The following SNX25 variants were observed in gnomAD, a reference collection of about 807,000 sequenced individuals.
SNX25 encodes sorting nexin 25.
A neutral mutation model predicts 113.7 loss-of-function variants in SNX25; 62 were observed. The observed-to-expected ratio is 0.55, with a 90% CI of 0.44 to 0.67. The LOEUF is 0.67. Among genes scored for constraint, SNX25 ranks in the 30% least tolerant of loss-of-function variants. The pLI is 0.00. For synonymous variants in SNX25, 421 were observed against 436.2 expected, an observed-to-expected ratio of 0.97 and a Z score of 0.43; for missense variants, 1,014 against 1,161.0, an observed-to-expected ratio of 0.87 and a Z score of 1.84.
At chr4:185,288,685 T>G (rs914149477) in intron 6 of SNX25, among the ~76,000 whole-genome samples, 12 of 152,178 alleles carry the variant, frequency 7.9e-5, no homozygotes, top group Non-Finnish European at 1.5e-4. Flanking sequence ...GAAGTAAGAT[T>G]CTTTCCCAGG....
chr4:185,373,154 G>T (rs1376933884), downstream of SNX25: 2 of 1,343,234 alleles, frequency 1.5e-6, no homozygotes, highest in Admixed American at 1.9e-5. Context: ...AGACAGAAAA[G>T]AACTCTGTGT....
At position 185,332,594 on chromosome 4, in the gene SNX25, G is replaced by A. The variant is rs754130473; in HGVS notation, c.1750-1G>A. 6.2e-7 allele frequency: 1 copy of A among 1,609,326 alleles called. No individual in the cohort carries two copies. Among genetic ancestry groups the A allele is most frequent in the Non-Finnish European group, 8.5e-7 (1 of 1,177,542 alleles). On this transcript the variant is annotated splice_acceptor_variant, in intron 9 of 18. Coordinates refer to ENST00000652585, the MANE Select transcript of SNX25 (RefSeq NM_001378034.2). LOFTEE classifies it high-confidence loss of function. ...ATGGTGGTATGTGACTCTCCCCCTA[G>A]GGCCCAAGAGATGAGGCTGGTGAGG...
intron 2 of SNX25, among the ~76,000 whole-genome samples, chr4:185,247,674 AT>A (rs553103530): frequency 8.0e-5 from 12 of 150,716 alleles, no homozygotes; most frequent in Admixed American, 5.3e-4. Context: ...GGTTTTAGGA[AT>A]TTTTTTTTTC....
chr4:185,282,771 C>CAT (rs1750799101), intron 5 of SNX25, among the ~76,000 whole-genome samples: 1 of 152,158 alleles, frequency 6.6e-6, no homozygotes, highest in Admixed American at 6.5e-5. Context: ...TTTTGCAAAA[C>CAT]ATATACCAAC....
At chr4:185,205,690 G>A (rs1225538193), upstream of SNX25, among the ~76,000 whole-genome samples, 1 of 152,154 alleles carries the variant, frequency 6.6e-6, no homozygotes, top group African/African-American at 2.4e-5. Context: ...TTAGCCAGGT[G>A]TGGTGGTGCA....
Position 185,209,850 on chromosome 4 carries a change from T to C in SNX25, c.24T>C (p.Ser8=). The C allele has an allele frequency of 2.0e-6, 2 of 982,902 alleles. No individual in the cohort carries two copies. Among genetic ancestry groups the C allele is most frequent in the Non-Finnish European group, 2.4e-6 (2 of 829,072 alleles). The allele number at this position is 982,902 out of a possible 1,614,324, so 60.9% of individuals were successfully genotyped here. A position where few individuals can be genotyped will look rare whatever the true frequency, so the allele number is the denominator to read the frequency against. Residue 8 remains serine (S), a synonymous_variant, in exon 1 of 19, where the codon AGT becomes AGC. Coordinates refer to ENST00000652585, the MANE Select transcript of SNX25 (RefSeq NM_001378034.2). This position sits in a 1 kb window ranked among gnomAD's most constrained non-coding sequence, Gnocchi z 5.2. The part of the protein sequence containing the change: MHPDATD[S]GGAGPSPARA... ...GCATGCACCCCGATGCGACCGACAG[T>C]GGCGGCGCCGGCCCCAGCCCCGCGC...
chr4:185,277,240 G>T (rs1749839464), intron 5 of SNX25, among the ~76,000 whole-genome samples: 1 of 152,144 alleles, frequency 6.6e-6, no homozygotes, highest in Admixed American at 6.5e-5. Flanking sequence ...GGCCAGGCTG[G>T]TCTGGAAGTC....
At chr4:185,208,783 C>T (rs1047541549), upstream of SNX25, among the ~76,000 whole-genome samples, 5 of 152,106 alleles carry the variant, frequency 3.3e-5, no homozygotes, top group Non-Finnish European at 7.4e-5. Flanking sequence ...CCAATTGATA[C>T]TAAAAGCAAA....
At chr4:185,239,495 A>G (rs1743294320) in intron 1 of SNX25, among the ~76,000 whole-genome samples, 1 of 152,206 alleles carries the variant, frequency 6.6e-6, no homozygotes, top group Admixed American at 6.5e-5. Context: ...AAGAAAAAAA[A>G]TAAAAGCTTT....
At chr4:185,300,687 A>G (rs1753532770) in intron 6 of SNX25, among the ~76,000 whole-genome samples, 1 of 150,730 alleles carries the variant, frequency 6.6e-6, no homozygotes, top group Admixed American at 6.7e-5. Context: ...ATGTCCTGCT[A>G]TGGTTTGAAT....
chr4:185,291,478 T>C (rs1752161100), intron 6 of SNX25, among the ~76,000 whole-genome samples: 2 of 152,228 alleles, frequency 1.3e-5, no homozygotes, highest in African/African-American at 4.8e-5. Context: ...GGTTCTTCTG[T>C]CTCAATTCCT....
At chr4:185,349,412 C>T (rs972152798) in intron 13 of SNX25, among the ~76,000 whole-genome samples, 11 of 152,140 alleles carry the variant, frequency 7.2e-5, no homozygotes, top group African/African-American at 2.7e-4. Flanking sequence ...GATTTCATTT[C>T]CTTTGGATGT....
rs572480487 is a variant in SNX25, at chr4:185,210,435, GCGGGCTC to G, written c.429+197_429+203del. 0.025 allele frequency among the ~76,000 whole-genome samples: 3,421 copies of G among 137,906 alleles called. 76 individuals carry two copies. Among genetic ancestry groups the G allele is most frequent in the South Asian group, 0.13 (536 of 4,284 alleles). 90.5% of individuals were successfully genotyped at this position (137,906 alleles called of 152,430 possible). A position where few individuals can be genotyped will look rare whatever the true frequency, so the allele number is the denominator to read the frequency against. On this transcript the variant is annotated intron_variant, in intron 1 of 18. Coordinates refer to ENST00000652585, the MANE Select transcript of SNX25 (RefSeq NM_001378034.2). This position sits in a 1 kb window ranked among gnomAD's most constrained non-coding sequence, Gnocchi z 4.4. ...GAGCGTTCCCCGGCGCCCGCGCGCG[GCGGGCTC>G]CGGGCTCCGGGCTCCGCGCTCCGCG...
chr4:185,290,690 G>A (rs916830305), intron 6 of SNX25, among the ~76,000 whole-genome samples: 4 of 148,906 alleles, frequency 2.7e-5, no homozygotes, highest in African/African-American at 1.0e-4. Context: ...TCTTAATACG[G>A]TGTATTCTGG....
chr4:185,320,017 C>T (rs567080032), intron 7 of SNX25, among the ~76,000 whole-genome samples: 2 of 152,188 alleles, frequency 1.3e-5, no homozygotes, highest in South Asian at 2.1e-4. Context: ...AACGCTTTTA[C>T]ACTGTTGGTG....
chr4:185,375,363 G>A, the SNX25 span, among the ~76,000 whole-genome samples: 1 of 141,370 alleles, frequency 7.1e-6, no homozygotes, highest in Non-Finnish European at 1.5e-5. Flanking sequence ...GGCTGAGGCA[G>A]AAGAATCACT....
intron 1 of SNX25, among the ~76,000 whole-genome samples, chr4:185,242,991 T>C (rs1187283767): frequency 6.6e-6 from 1 of 152,164 alleles, no homozygotes; most frequent in Non-Finnish European, 1.5e-5. Flanking sequence ...CATCAGGCTA[T>C]GGGGATGGGA....
chr4:185,230,188 A>G (rs1741623503), intron 1 of SNX25, among the ~76,000 whole-genome samples: 1 of 152,146 alleles, frequency 6.6e-6, no homozygotes, highest in Non-Finnish European at 1.5e-5. Flanking sequence ...TGCCTTTTAA[A>G]GTGATTAATG....
chr4:185,273,368 GCTCAAGGGATC>G, intron 5 of SNX25, among the ~76,000 whole-genome samples: 1 of 152,170 alleles, frequency 6.6e-6, no homozygotes, highest in African/African-American at 2.4e-5. Context: ...GACCTTCTGG[GCTCAAGGGATC>G]CTCCCTCCTG....
Sources: allele counts gnomAD v4.1 joint callset (sites outside exome capture counted in the v4.1 genomes callset), GRCh38; gene constraint gnomAD v4.1.1; non-coding constraint Gnocchi (gnomAD v3.1); transcripts MANE v1.5; gene names NCBI Gene and HGNC (gene_info 2026-07-23, HGNC 2026-07-21).